The following SPATA18 variants were observed in gnomAD, a reference collection of about 807,000 sequenced individuals.
SPATA18 encodes mitochondria-eating protein.
SPATA18 carries 54 observed loss-of-function variants against 68.1 expected under a neutral mutation model. The observed-to-expected ratio is 0.79, with a 90% CI of 0.64 to 0.99. The LOEUF (loss-of-function observed/expected upper bound fraction) is 0.99, where lower values mean the gene tolerates loss of function less well. SPATA18 is among the 50% of genes least tolerant of loss of function. SPATA18 has a pLI of 0.00. For missense variants in SPATA18, 724 were observed against 681.1 expected (o/e 1.06, Z -0.70); for synonymous variants, 242 against 244.8 (o/e 0.99, Z 0.11).
intron 1 of SPATA18, among the ~76,000 whole-genome samples, chr4:52,057,818 A>C (rs1738480670): frequency 6.6e-6 from 1 of 152,172 alleles, no homozygotes; most frequent in African/African-American, 2.4e-5. Context: ...TCTGTGTCTG[A>C]GGTGCTGGGC....
Position 52,071,973 on chromosome 4 carries a change from G to A in SPATA18, c.575G>A (p.Ser192Asn), listed in dbSNP as rs141789930. The A allele has an allele frequency of 1.1e-4, 185 of 1,613,946 alleles. No homozygotes were observed. The East Asian group carries it at 3.7e-3, about 32-fold the overall frequency. The change falls in exon 6 of 13, where the codon AGC becomes AAC. Residue 192 changes from serine to asparagine, a missense_variant. Transcript: ENST00000295213. ...CGCCACAGAAACACAGATCAGAGGAGCTCAGAGAATAGGCGGTCAGAGCCT... is the reference window on the plus strand; with the variant it reads ...CGCCACAGAAACACAGATCAGAGGAACTCAGAGAATAGGCGGTCAGAGCCT... ...DARHRNTDQR[S>N]SENRRSEPWS...
intron 6 of SPATA18, among the ~76,000 whole-genome samples, chr4:52,074,179 T>C (rs1025307724): frequency 1.3e-5 from 2 of 152,114 alleles, no homozygotes; most frequent in African/African-American, 4.8e-5. Flanking sequence ...TTCAGGACAG[T>C]GATTTGGGTG....
rs1359950739 is a variant in SPATA18, at chr4:52,051,586, C to G, written c.-119C>G. 3.1e-6 allele frequency: 3 copies of G among 970,764 alleles called. No individual in the cohort carries two copies. Among genetic ancestry groups the G allele is most frequent in the South Asian group, 1.4e-5 (1 of 72,370 alleles). The allele number at this position is 970,764 out of a possible 1,614,324, so 60.1% of individuals were successfully genotyped here. A position where few individuals can be genotyped will look rare whatever the true frequency, so the allele number is the denominator to read the frequency against. ...GGAGGATGGAAACACCTGCCGCGCT[C>G]TGAGCCCCCCAGAAGAGAACACCCT... On this transcript the variant is annotated 5_prime_UTR_variant, in exon 1 of 13. Transcript: ENST00000295213.
chr4:52,073,938 A>G (rs1740091736), intron 6 of SPATA18, among the ~76,000 whole-genome samples: 1 of 152,234 alleles, frequency 6.6e-6, no homozygotes, highest in Non-Finnish European at 1.5e-5. Context: ...TTCAAAAACC[A>G]TTCCTGCTAG....
At position 52,084,919 on chromosome 4, in the gene SPATA18, A is replaced by G. The variant is rs969455883; in HGVS notation, c.1483A>G (p.Asn495Asp). The change falls in exon 11 of 13, where the codon AAT becomes GAT. Residue 495 changes from asparagine (N) to aspartate (D), a missense_variant. Physicochemically the swap from Asn to Asp is conservative, Grantham distance 23 (BLOSUM62 1). Transcript: ENST00000295213. ...CTCTTTCTCTCTCTTTTTTAAGTGG[A>G]ATTCGGTGCGATCTGTAAGTCGTTG... is the stretch of plus-strand genomic sequence containing the variant. ...EAVTRRGAFW[N>D]SVRSVSRCRS... is the part of the protein sequence containing the mutation. The G allele has an allele frequency of 6.2e-7, 1 of 1,613,850 alleles. No homozygotes were observed. Among genetic ancestry groups the G allele is most frequent in the African/African-American group, 1.3e-5 (1 of 75,000 alleles).
rs576685620 is a variant in SPATA18 at position 52,060,764 on chromosome 4, C to T, written c.194-18C>T. On this transcript the variant is annotated intron_variant, in intron 2 of 12. Transcript: ENST00000295213. The stretch of plus-strand genomic sequence containing the variant: ...TGTTGGTGTGCTGCACCCATTAACT[C>T]GTCATTTAACATTTTAGGAGGACGT... 149 of 1,608,078 alleles carry T rather than the reference C, an allele frequency of 9.3e-5. No individual in the cohort carries two copies. Among genetic ancestry groups the T allele is most frequent in the Non-Finnish European group, 1.1e-4 (135 of 1,174,924 alleles).
chr4:52,051,935 A>G (rs1353042696), intron 1 of SPATA18, 144 bp downstream of exon 1: 13 of 742,418 alleles, frequency 1.8e-5, no homozygotes, highest in South Asian at 1.7e-4. Context: ...TCAGCTTTCG[A>G]CCGGGATCGC....
At chr4:52,092,179 C>T (rs1742017024) in intron 11 of SPATA18, among the ~76,000 whole-genome samples, 1 of 152,084 alleles carries the variant, frequency 6.6e-6, no homozygotes, top group South Asian at 2.1e-4. Flanking sequence ...GACCTCTTGG[C>T]TGCCTGGGTT....
At chr4:52,075,140 T>C (rs943983452) in intron 6 of SPATA18, among the ~76,000 whole-genome samples, 2 of 152,144 alleles carry the variant, frequency 1.3e-5, no homozygotes, top group Non-Finnish European at 2.9e-5. Flanking sequence ...GGAGGGGCAC[T>C]CATTTTTCTG....
rs998123795 is a variant in SPATA18 at position 52,082,201 on chromosome 4, G to A, written c.1356-186G>A. Among the ~76,000 whole-genome samples the A allele has an allele frequency of 1.2e-4, 16 of 132,156 alleles. No individual in the cohort carries two copies. In the South Asian group the frequency reaches 2.7e-3, roughly 22 times the overall value. 86.7% of individuals were successfully genotyped at this position (132,156 alleles called of 152,430 possible). A position where few individuals can be genotyped will look rare whatever the true frequency, so the allele number is the denominator to read the frequency against. ...GACACGATTTGGTCTTAGCATATCC[G>A]TGCTGGGTCCCAGTTATCATTAGTT... On this transcript the variant is annotated intron_variant, in intron 9 of 12. Coordinates refer to ENST00000295213, the MANE Select transcript of SPATA18 (RefSeq NM_145263.4).
intron 6 of SPATA18, among the ~76,000 whole-genome samples, chr4:52,072,939 ATT>A (rs1461171257): frequency 6.6e-6 from 1 of 152,152 alleles, no homozygotes; most frequent in Non-Finnish European, 1.5e-5. Context: ...TTATGGACAG[ATT>A]TTAAGACAGG....
chr4:52,094,406 G>A, intron 11 of SPATA18, 121 bp from the exon 12 acceptor site: 1 of 813,018 alleles, frequency 1.2e-6, no homozygotes, highest in Non-Finnish European at 2.0e-6. Context: ...AAAAATCATA[G>A]TGCTAAAGTG....
chr4:52,062,537 G>A (rs1021510176), intron 4 of SPATA18, among the ~76,000 whole-genome samples: 1 of 152,020 alleles, frequency 6.6e-6, no homozygotes, highest in African/African-American at 2.4e-5. Context: ...GTCAGTGTCT[G>A]TGGATTTGGG....
intron 4 of SPATA18, among the ~76,000 whole-genome samples, chr4:52,068,114 C>T (rs1739466396): frequency 6.6e-6 from 1 of 152,170 alleles, no homozygotes; most frequent in African/African-American, 2.4e-5. Flanking sequence ...GTTCTTCATT[C>T]CTGCTTGTAT....
chr4:52,077,316 C>G (rs1384396025), intron 7 of SPATA18, among the ~76,000 whole-genome samples: 1 of 139,800 alleles, frequency 7.2e-6, no homozygotes, highest in Non-Finnish European at 1.6e-5. Context: ...CTCCCTCTCT[C>G]CTTCCTTCCC....
At chr4:52,068,793 C>G (rs1739547176) in intron 4 of SPATA18, among the ~76,000 whole-genome samples, 1 of 152,146 alleles carries the variant, frequency 6.6e-6, no homozygotes, top group Admixed American at 6.5e-5. Flanking sequence ...AAGACTTTGT[C>G]AACTCAAGTC....
chr4:52,071,915 A>T lies in SPATA18; in HGVS notation c.519-2A>T. 6.2e-7 allele frequency: 1 copy of T among 1,612,596 alleles called. No homozygotes were observed. Among genetic ancestry groups the T allele is most frequent in the Non-Finnish European group, 8.5e-7 (1 of 1,179,736 alleles). On this transcript the variant is annotated splice_acceptor_variant, in intron 5 of 12. Coordinates refer to ENST00000295213, the MANE Select transcript of SPATA18 (RefSeq NM_145263.4). LOFTEE classifies it high-confidence loss of function. Reference sequence around the variant, plus strand: ...CCTCTGCCCTCTCTCTTTGCTGTTCAGGCTTAAATCTCTTCAAGCTCAGGA... The same window carrying T: ...CCTCTGCCCTCTCTCTTTGCTGTTCTGGCTTAAATCTCTTCAAGCTCAGGA...
At position 52,076,844 on chromosome 4, in the gene SPATA18, C is replaced by T. The variant is rs746664530; in HGVS notation, c.824C>T (p.Ala275Val). 6.2e-6 allele frequency: 10 copies of T among 1,614,218 alleles called. No homozygotes were observed. The highest frequency in any genetic ancestry group is 7.6e-6 in the Non-Finnish European group (9 of 1,180,028). The change falls in exon 7 of 13, where the codon GCC becomes GTC. Residue 275 changes from alanine (A) to valine (V), a missense_variant. Transcript: ENST00000295213. ...CGTAGCTGCAGCCGCAGCAGATCTG[C>T]CAGCCCCTCCACCGCTGTCAAGGTC... ...RSRSCSRSRS[A>V]SPSTAVKVRR... is the part of the protein sequence containing the mutation.
At chr4:52,057,041 A>G (rs1040425093) in intron 1 of SPATA18, among the ~76,000 whole-genome samples, 2 of 152,034 alleles carry the variant, frequency 1.3e-5, no homozygotes, top group Non-Finnish European at 2.9e-5. Context: ...ACACCTCACC[A>G]GAGGTTATTT....
Sources: allele counts gnomAD v4.1 joint callset (sites outside exome capture counted in the v4.1 genomes callset), GRCh38; gene constraint gnomAD v4.1.1; transcripts MANE v1.5; gene names NCBI Gene and HGNC (gene_info 2026-07-23, HGNC 2026-07-21).